The following SOX6 variants were observed in gnomAD, a reference collection of about 807,000 sequenced individuals.
The protein encoded by SOX6 is SRY-box transcription factor 6, also known as transcription factor SOX-6.
SOX6 carries 11 observed loss-of-function variants against 97.8 expected under a neutral mutation model. That is an observed-to-expected ratio of 0.11 (90% confidence interval 0.07 to 0.19). SOX6 has a LOEUF of 0.19. SOX6 is among the 10% of genes least tolerant of loss of function. The pLI, the probability that SOX6 is intolerant of heterozygous loss-of-function variation, is 1.00. For missense variants in SOX6, 810 were observed against 1,039.5 expected (o/e 0.78, Z 3.04); for synonymous variants, 360 against 371.4 (o/e 0.97, Z 0.35).
intron 3 of SOX6, among the ~76,000 whole-genome samples, chr11:16,261,112 G>T (rs1853878320): frequency 6.6e-6 from 1 of 152,016 alleles, no homozygotes; most frequent in Admixed American, 6.6e-5. Flanking sequence ...CCTAAATCAT[G>T]ACTTTTGTCA....
chr11:16,412,796 C>G (rs1043188380), intron 1 of SOX6, among the ~76,000 whole-genome samples: 2 of 152,154 alleles, frequency 1.3e-5, no homozygotes, highest in Admixed American at 6.5e-5. Flanking sequence ...ATCAGAAGCT[C>G]AAGGTTAGAA....
At chr11:16,545,418 G>A (rs1255166194) in intron 4 of SOX6, among the ~76,000 whole-genome samples, 1 of 150,452 alleles carries the variant, frequency 6.6e-6, no homozygotes, top group African/African-American at 2.4e-5. Flanking sequence ...ACCTCTTCAT[G>A]ATAAAAACTC....
chr11:16,284,195 A>C (rs1854664959), intron 3 of SOX6, among the ~76,000 whole-genome samples: 2 of 152,100 alleles, frequency 1.3e-5, no homozygotes, highest in Admixed American at 6.6e-5. Flanking sequence ...TAATCTAACT[A>C]AAAGAGTTAC....
intron 3 of SOX6, among the ~76,000 whole-genome samples, chr11:16,618,468 G>GT (rs1848498764): frequency 1.3e-5 from 2 of 151,698 alleles, no homozygotes; most frequent in African/African-American, 4.8e-5. Flanking sequence ...TACTATGTGA[G>GT]TATTTTTTTT....
chr11:16,510,158 C>A (rs12295506), intron 4 of SOX6, among the ~76,000 whole-genome samples: 33,300 of 151,800 alleles, frequency 0.22, 4,101 homozygotes, highest in East Asian at 0.5. Flanking sequence ...AATTCAGAAG[C>A]TGTTAATTCA....
At chr11:16,015,941 T>A (rs1011178563) in intron 12 of SOX6, among the ~76,000 whole-genome samples, 1 of 152,108 alleles carries the variant, frequency 6.6e-6, no homozygotes, top group Non-Finnish European at 1.5e-5. Flanking sequence ...TCATGTCAGC[T>A]TGAATTTACA....
intron 12 of SOX6, among the ~76,000 whole-genome samples, chr11:16,021,793 A>G (rs1015937852): frequency 1.3e-5 from 2 of 152,190 alleles, no homozygotes; most frequent in Non-Finnish European, 1.5e-5. Flanking sequence ...CCATCACAGC[A>G]TAAATATATC....
chr11:16,328,856 T>C (rs1856189770), intron 2 of SOX6, among the ~76,000 whole-genome samples: 1 of 152,146 alleles, frequency 6.6e-6, no homozygotes, highest in Non-Finnish European at 1.5e-5. Context: ...GAAAAAAGTA[T>C]GTTTTTTTCT....
At chr11:16,179,371 T>C (rs1851285804) in intron 6 of SOX6, among the ~76,000 whole-genome samples, 1 of 151,882 alleles carries the variant, frequency 6.6e-6, no homozygotes, top group South Asian at 2.1e-4. Flanking sequence ...CACAGGAATA[T>C]ATTATAATCA....
intron 12 of SOX6, among the ~76,000 whole-genome samples, chr11:16,039,787 TGTTTTA>T (rs1336968190): frequency 6.6e-6 from 1 of 152,126 alleles, no homozygotes; most frequent in Non-Finnish European, 1.5e-5. Context: ...TATTTTTTGA[TGTTTTA>T]GTTTTAATAT....
At chr11:16,511,733 A>G (rs1383879275) in intron 4 of SOX6, among the ~76,000 whole-genome samples, 10 of 152,194 alleles carry the variant, frequency 6.6e-5, no homozygotes, top group Non-Finnish European at 1.3e-4. Flanking sequence ...CCTTGAAATA[A>G]GACTATTAAG....
chr11:15,973,964 T>A (rs1160052272), intron 15 of SOX6, among the ~76,000 whole-genome samples: 1 of 152,252 alleles, frequency 6.6e-6, no homozygotes, highest in African/African-American at 2.4e-5. Flanking sequence ...TTACTGTCTC[T>A]TAACTTCACT....
intron 1 of SOX6, among the ~76,000 whole-genome samples, chr11:16,412,649 AT>A (rs1303129722): frequency 1.3e-5 from 2 of 152,112 alleles, no homozygotes; most frequent in African/African-American, 4.8e-5. Context: ...ACAAAAAATA[AT>A]TTATTGGTTC....
intron 12 of SOX6, among the ~76,000 whole-genome samples, chr11:16,019,527 T>C (rs1026312336): frequency 1.3e-5 from 2 of 152,110 alleles, no homozygotes; most frequent in African/African-American, 2.4e-5. Context: ...ACTCTCTACA[T>C]TGACTCTCTT....
chr11:16,489,876 C>G (rs1860483363), intron 4 of SOX6, among the ~76,000 whole-genome samples: 1 of 151,978 alleles, frequency 6.6e-6, no homozygotes, highest in Non-Finnish European at 1.5e-5. Context: ...AGCTTCAAAC[C>G]CTGGTTCTGA....
chr11:16,522,610 G>A (rs1861086721), intron 4 of SOX6, among the ~76,000 whole-genome samples: 1 of 151,400 alleles, frequency 6.6e-6, no homozygotes, highest in African/African-American at 2.4e-5. Flanking sequence ...ATAATGACAC[G>A]ATCAAATTCA....
At chr11:16,201,970 T>A (rs1432417992) in intron 4 of SOX6, among the ~76,000 whole-genome samples, 1 of 152,092 alleles carries the variant, frequency 6.6e-6, no homozygotes, top group African/African-American at 2.4e-5. Flanking sequence ...AATTTAAAAT[T>A]CATAGAAATA....
chr11:16,187,036 G>A (rs1292408115), intron 4 of SOX6, 81 bp from the exon 5 acceptor site: 20 of 1,460,820 alleles, frequency 1.4e-5, no homozygotes, highest in Non-Finnish European at 1.8e-5. Flanking sequence ...AATTTAGAAA[G>A]GGACTATCCT....
intron 9 of SOX6, among the ~76,000 whole-genome samples, chr11:16,072,985 C>G (rs1848261510): frequency 6.6e-6 from 1 of 152,152 alleles, no homozygotes; most frequent in Non-Finnish European, 1.5e-5. Context: ...CCACCCACCA[C>G]AAAAACACAC....
Sources: allele counts gnomAD v4.1 joint callset (sites outside exome capture counted in the v4.1 genomes callset), GRCh38; gene constraint gnomAD v4.1.1; transcripts MANE v1.5; gene names NCBI Gene and HGNC (gene_info 2026-07-23, HGNC 2026-07-21).